RABGAP1L: variants seen among roughly 807,000 people sequenced by gnomAD.
The protein encoded by RABGAP1L is RAB GTPase activating protein 1 like.
Under a neutral mutation model 137.7 loss-of-function variants are expected in RABGAP1L, and 63 were observed. The ratio of observed to expected loss-of-function variants is 0.46; its 90% CI spans 0.37 to 0.56. The LOEUF (loss-of-function observed/expected upper bound fraction) is 0.56. Among genes scored for constraint, RABGAP1L ranks in the 20% least tolerant of loss-of-function variants. The pLI, the probability that RABGAP1L is intolerant of heterozygous loss-of-function variation, is 0.00. For missense variants in RABGAP1L, 1,095 were observed against 1,244.0 expected, an observed-to-expected ratio of 0.88 and a Z score of 1.80; for synonymous variants, 431 against 433.7, an observed-to-expected ratio of 0.99 and a Z score of 0.08.
At chr1:174,768,003 C>T (rs556354007) in intron 18 of RABGAP1L, among the ~76,000 whole-genome samples, 1 of 152,154 alleles carries the variant, frequency 6.6e-6, no homozygotes. Flanking sequence ...AAACCACCCC[C>T]ATGATTCGGT....
At chr1:174,319,518 C>A (rs913830329) in intron 11 of RABGAP1L, among the ~76,000 whole-genome samples, 3 of 152,130 alleles carry the variant, frequency 2.0e-5, no homozygotes, top group Non-Finnish European at 2.9e-5. Flanking sequence ...CCTTCTCAAT[C>A]TGCATAGCTT....
intron 20 of RABGAP1L, among the ~76,000 whole-genome samples, chr1:174,958,612 T>C (rs1038840229): frequency 1.3e-5 from 2 of 152,188 alleles, no homozygotes; most frequent in Non-Finnish European, 2.9e-5. Context: ...AGAGTTATCT[T>C]TATGTGGTCA....
Position 174,394,224 on chromosome 1 carries a change from C to T in RABGAP1L, c.1710+79C>T, listed in dbSNP as rs983646053. The T allele has an allele frequency of 2.5e-5, 37 of 1,504,754 alleles. No individual in the cohort carries two copies. The East Asian group carries it at 8.4e-4, about 34-fold the overall frequency. The allele number at this position is 1,504,754 out of a possible 1,614,324, so 93.2% of individuals were successfully genotyped here. On this transcript the variant is annotated intron_variant, in intron 13 of 25. Coordinates refer to ENST00000681986, the MANE Select transcript of RABGAP1L (RefSeq NM_001366446.1). ...CCTAGTTTTCATAGCTCCCATAAGTCATAAATGCTTTGAACTTCTTCATGA... is the reference window on the plus strand; with the variant it reads ...CCTAGTTTTCATAGCTCCCATAAGTTATAAATGCTTTGAACTTCTTCATGA...
chr1:174,331,754 G>A (rs1451026686), intron 11 of RABGAP1L, among the ~76,000 whole-genome samples: 1 of 151,962 alleles, frequency 6.6e-6, no homozygotes. Context: ...GTATACATGT[G>A]CCATGTTGGT....
intron 14 of RABGAP1L, among the ~76,000 whole-genome samples, chr1:174,650,495 A>G (rs942450244): frequency 6.0e-5 from 9 of 150,370 alleles, no homozygotes; most frequent in Admixed American, 3.3e-4. Context: ...GCTATTGATT[A>G]TTGCCACAAT....
At chr1:174,743,081 A>T (rs1232871788) in intron 17 of RABGAP1L, among the ~76,000 whole-genome samples, 2 of 152,210 alleles carry the variant, frequency 1.3e-5, no homozygotes, top group Non-Finnish European at 2.9e-5. Flanking sequence ...GATGATGATT[A>T]TTGCCAAGGA....
intron 19 of RABGAP1L, among the ~76,000 whole-genome samples, chr1:174,919,130 C>T (rs757285914): frequency 7.1e-4 from 108 of 152,060 alleles, no homozygotes; most frequent in Middle Eastern, 3.4e-3. Flanking sequence ...GTGATTCTCC[C>T]GCCTCAGCCT....
intron 17 of RABGAP1L, among the ~76,000 whole-genome samples, chr1:174,716,875 A>T (rs2148576275): frequency 6.6e-6 from 1 of 152,266 alleles, no homozygotes; most frequent in South Asian, 2.1e-4. Context: ...TTCTTAAGGC[A>T]CTTAAAGCAC....
intron 12 of RABGAP1L, among the ~76,000 whole-genome samples, chr1:174,388,177 G>T (rs1686957292): frequency 6.6e-6 from 1 of 152,030 alleles, no homozygotes; most frequent in Non-Finnish European, 1.5e-5. Flanking sequence ...TGAGGATACA[G>T]TATATATGCT....
At chr1:174,957,595 T>G in intron 20 of RABGAP1L, 46 bp downstream of exon 20, 2 of 1,502,948 alleles carry the variant, frequency 1.3e-6, no homozygotes, top group Non-Finnish European at 1.8e-6. Context: ...CTTTTTTGTT[T>G]TAAATGAGAC....
intron 14 of RABGAP1L, among the ~76,000 whole-genome samples, chr1:174,640,007 T>A (rs1674399193): frequency 6.6e-6 from 1 of 152,166 alleles, no homozygotes; most frequent in Non-Finnish European, 1.5e-5. Flanking sequence ...AAAAGTAGCT[T>A]AAATCACACT....
rs756656046 is a variant in RABGAP1L, at chr1:174,719,487, A to G, written c.2169+17231A>G. On this transcript the variant is annotated intron_variant, in intron 17 of 25. Coordinates refer to ENST00000681986, the MANE Select transcript of RABGAP1L (RefSeq NM_001366446.1). ...TAAATCTCTCTAAGTTCAAGAAAAGATCCTTTAATTTAATCTAGCATTTGG... is the reference window on the plus strand; with the variant it reads ...TAAATCTCTCTAAGTTCAAGAAAAGGTCCTTTAATTTAATCTAGCATTTGG... Among the ~76,000 whole-genome samples the G allele has an allele frequency of 2.0e-5, 3 of 152,204 alleles. 1 individual carries two copies. Among genetic ancestry groups the G allele is most frequent in the Admixed American group, 6.5e-5 (1 of 15,276 alleles).
At chr1:174,394,592 G>A (rs796604366) in intron 13 of RABGAP1L, among the ~76,000 whole-genome samples, 1 of 151,698 alleles carries the variant, frequency 6.6e-6, no homozygotes, top group South Asian at 2.1e-4. Flanking sequence ...TTTCTGTCAG[G>A]GGCCCTTGGT....
chr1:174,651,006 A>G (rs1302945430), intron 14 of RABGAP1L, among the ~76,000 whole-genome samples: 1 of 149,520 alleles, frequency 6.7e-6, no homozygotes, highest in South Asian at 2.1e-4. Context: ...ACTGCTTTGA[A>G]TGTGTCCCGG....
chr1:174,916,852 A>G (rs1162738965), intron 19 of RABGAP1L, among the ~76,000 whole-genome samples: 4 of 152,250 alleles, frequency 2.6e-5, no homozygotes, highest in Non-Finnish European at 1.5e-5. Context: ...TAAGACTTAC[A>G]TTACTAAATA....
At chr1:174,759,393 G>C (rs2148697709) in intron 18 of RABGAP1L, among the ~76,000 whole-genome samples, 1 of 151,440 alleles carries the variant, frequency 6.6e-6, no homozygotes, top group Non-Finnish European at 1.5e-5. Context: ...TCAGGAGTTA[G>C]AGACCAGCCT....
intron 14 of RABGAP1L, among the ~76,000 whole-genome samples, chr1:174,678,546 C>T (rs1234133400): frequency 6.6e-6 from 1 of 151,962 alleles, no homozygotes; most frequent in Non-Finnish European, 1.5e-5. Flanking sequence ...CAAGGTTGGT[C>T]CAGCATTTGA....
intron 17 of RABGAP1L, among the ~76,000 whole-genome samples, chr1:174,747,170 A>T (rs1683937166): frequency 6.6e-6 from 1 of 152,140 alleles, no homozygotes; most frequent in Non-Finnish European, 1.5e-5. Flanking sequence ...TGTGAGGCCA[A>T]GGCAGAAGGA....
chr1:174,634,958 C>T (rs1319939733), intron 13 of RABGAP1L, among the ~76,000 whole-genome samples: 1 of 147,240 alleles, frequency 6.8e-6, no homozygotes, highest in Non-Finnish European at 1.5e-5. Flanking sequence ...GGGTGCAGCG[C>T]ACCAGCATGG....
Sources: allele counts gnomAD v4.1 joint callset (sites outside exome capture counted in the v4.1 genomes callset), GRCh38; gene constraint gnomAD v4.1.1; transcripts MANE v1.5; gene names NCBI Gene and HGNC (gene_info 2026-07-23, HGNC 2026-07-21).